Variants in SCFD1 observed in about 807,000 individuals in gnomAD.
SCFD1 encodes the protein sec1 family domain containing 1.
In SCFD1, 37 loss-of-function variants were observed where a neutral mutation model predicts 103.2. The observed-to-expected ratio is 0.36, with a 90% CI of 0.28 to 0.47. The LOEUF (loss-of-function observed/expected upper bound fraction) is 0.47, where lower values mean the gene tolerates loss of function less well. Among genes scored for constraint, SCFD1 ranks in the 20% least tolerant of loss-of-function variants. SCFD1 has a pLI of 1.00. For synonymous variants in SCFD1, 264 were observed against 245.0 expected (o/e 1.08, Z -0.73); for missense variants, 639 against 761.2 (o/e 0.84, Z 1.89).
At chr14:30,699,403 C>T (rs1019192711) in intron 15 of SCFD1, among the ~76,000 whole-genome samples, 23 of 152,172 alleles carry the variant, frequency 1.5e-4, no homozygotes, top group Non-Finnish European at 1.9e-4. Flanking sequence ...TGTTATTTGT[C>T]GAGAACAATG....
Position 30,635,123 on chromosome 14 carries a change from A to G in SCFD1, c.312+1086A>G, listed in dbSNP as rs1485035337. Reference sequence around the variant, plus strand: ...ATTTAAATTGTTAGTGACGTTTGCAAATTTTGTGTCCTGTGTAGCTTTATG... The same window carrying G: ...ATTTAAATTGTTAGTGACGTTTGCAGATTTTGTGTCCTGTGTAGCTTTATG... On this transcript the variant is annotated intron_variant, in intron 4 of 24. Coordinates refer to ENST00000458591, the MANE Select transcript of SCFD1 (RefSeq NM_016106.4). 8.1e-6 allele frequency: 3 copies of G among 371,428 alleles called. No homozygotes were observed. In the Admixed American group the frequency reaches 1.0e-4, roughly 13 times the overall value. 23.0% of individuals were successfully genotyped at this position (371,428 alleles called of 1,614,324 possible).
rs751892940 is a variant in SCFD1 at position 30,633,983 on chromosome 14, T to C, written c.258T>C (p.Val86=). The C allele has an allele frequency of 9.3e-6, 15 of 1,605,704 alleles. No homozygotes were observed. In the Admixed American group the frequency reaches 2.4e-4, roughly 25 times the overall value. ...CTGATCGAGATCCTATTCCAGATGT[T>C]CCTGCAGTATACTTTGTAATGCCAA... ...LHSDRDPIPD[V]PAVYFVMPTE... is the part of the protein sequence containing the mutation. The change falls in exon 4 of 25, where the codon GTT becomes GTC. Residue 86 remains valine, a synonymous_variant. Coordinates refer to ENST00000458591, the MANE Select transcript of SCFD1 (RefSeq NM_016106.4).
chr14:30,683,056 G>C, intron 14 of SCFD1: 1 of 1,369,018 alleles, frequency 7.3e-7, no homozygotes, highest in Non-Finnish European at 1.0e-6. Context: ...CAGGGCTCCT[G>C]ACTGGTGACC....
intron 23 of SCFD1, chr14:30,734,378 A>G (rs74041121): frequency 0.012 from 2,331 of 189,380 alleles, 53 homozygotes; most frequent in African/African-American, 0.05. Context: ...GACTAAAAGC[A>G]CAATCCATGC....
chr14:30,673,907 C>A lies in SCFD1; in HGVS notation c.1087-17C>A. On this transcript the variant is annotated splice_polypyrimidine_tract_variant and intron_variant, in intron 12 of 24. Transcript: ENST00000458591. ...TGGGATTTTTGAGTAGCTATTGAGA[C>A]CTTTTTTCTTTACAAGGGACTAGAA... is the stretch of plus-strand genomic sequence containing the variant. 1 of 1,595,906 alleles carries A rather than the reference C, an allele frequency of 6.3e-7. No homozygotes were observed. Among genetic ancestry groups the A allele is most frequent in the Non-Finnish European group, 8.6e-7 (1 of 1,163,688 alleles).
At chr14:30,677,888 G>A (rs975859852) in intron 14 of SCFD1, among the ~76,000 whole-genome samples, 13 of 122,352 alleles carry the variant, frequency 1.1e-4, no homozygotes, top group South Asian at 8.6e-4. Context: ...TCACCAGGCC[G>A]GAGTGCAGTG....
At position 30,649,575 on chromosome 14, in the gene SCFD1, G is replaced by T. The variant is rs1284640399; in HGVS notation, c.661G>T (p.Val221Leu). The part of the protein sequence containing the change: ...RCSRGTAAEM[V>L]AVKLDKKLRE... Reference sequence around the variant, plus strand: ...TTCAAGAGGAACAGCAGCAGAAATGGTAGCAGTGGTAAGTTCATGCGGATA... The same window carrying T: ...TTCAAGAGGAACAGCAGCAGAAATGTTAGCAGTGGTAAGTTCATGCGGATA... The change falls in exon 8 of 25, where the codon GTA becomes TTA. Residue 221 changes from valine to leucine, a missense_variant. Val to Leu is a conservative substitution (Grantham distance 32). Coordinates refer to ENST00000458591, the MANE Select transcript of SCFD1 (RefSeq NM_016106.4). 2 of 1,569,606 alleles carry T rather than the reference G, an allele frequency of 1.3e-6. No homozygotes were observed. Among genetic ancestry groups the T allele is most frequent in the Non-Finnish European group, 1.7e-6 (2 of 1,165,282 alleles).
At chr14:30,665,512 A>G (rs893977299) in intron 10 of SCFD1, among the ~76,000 whole-genome samples, 1 of 152,228 alleles carries the variant, frequency 6.6e-6, no homozygotes, top group African/African-American at 2.4e-5. Context: ...AGCAAATATC[A>G]TAATGACAGG....
At chr14:30,626,928 A>G (rs1005306613) in intron 1 of SCFD1, among the ~76,000 whole-genome samples, 5 of 152,212 alleles carry the variant, frequency 3.3e-5, no homozygotes. Flanking sequence ...TTGTGAGTGA[A>G]TGAATATGCT....
At chr14:30,676,366 A>C (rs920492746) in intron 14 of SCFD1, 5 of 152,260 alleles carry the variant, frequency 3.3e-5, no homozygotes, top group Admixed American at 2.6e-4. Context: ...GACAGTAAAC[A>C]GAGTAAGCAA....
At chr14:30,630,057 G>A (rs1482653179) in intron 2 of SCFD1, among the ~76,000 whole-genome samples, 2 of 151,988 alleles carry the variant, frequency 1.3e-5, no homozygotes, top group African/African-American at 4.8e-5. Flanking sequence ...ACGTGAATTG[G>A]CTTTAAGTTC....
intron 21 of SCFD1, 75 bp downstream of exon 21, chr14:30,719,452 T>A: frequency 9.9e-7 from 1 of 1,007,122 alleles, no homozygotes; most frequent in Non-Finnish European, 1.5e-6. Flanking sequence ...TATTATATAG[T>A]ACTGCTTATT....
chr14:30,673,844 C>A, intron 12 of SCFD1, 80 bp from the exon 13 acceptor site: 1 of 954,922 alleles, frequency 1.0e-6, no homozygotes, highest in Non-Finnish European at 1.7e-6. Flanking sequence ...AGGATATTTG[C>A]TCCAATCTTA....
chr14:30,710,059 C>G (rs1891758033), intron 19 of SCFD1, among the ~76,000 whole-genome samples: 1 of 152,092 alleles, frequency 6.6e-6, no homozygotes, highest in Non-Finnish European at 1.5e-5. Context: ...CTCAGAGTCA[C>G]ATGGTATATA....
intron 19 of SCFD1, among the ~76,000 whole-genome samples, chr14:30,708,817 T>C (rs1388049008): frequency 6.6e-6 from 1 of 152,208 alleles, no homozygotes; most frequent in East Asian, 1.9e-4. Flanking sequence ...TTCTTTCTTT[T>C]AGTCCTTCAT....
At chr14:30,668,808 C>T (rs561775722) in intron 10 of SCFD1, among the ~76,000 whole-genome samples, 2 of 152,308 alleles carry the variant, frequency 1.3e-5, no homozygotes, top group African/African-American at 2.4e-5. Flanking sequence ...AAATGCTCAT[C>T]GTCACTGGTC....
intron 6 of SCFD1, among the ~76,000 whole-genome samples, chr14:30,642,475 T>G (rs1264921884): frequency 6.6e-6 from 1 of 152,222 alleles, no homozygotes; most frequent in Non-Finnish European, 1.5e-5. Flanking sequence ...TTTAAAAACG[T>G]CCAGAGAATT....
intron 2 of SCFD1, among the ~76,000 whole-genome samples, chr14:30,628,725 A>G (rs75635822): frequency 0.024 from 3,717 of 152,318 alleles, 85 homozygotes; most frequent in Middle Eastern, 0.048. Context: ...GCAATCTACA[A>G]TCTTTTCCTT....
chr14:30,628,510 G>A (rs1035770913), intron 2 of SCFD1, among the ~76,000 whole-genome samples: 5 of 152,132 alleles, frequency 3.3e-5, no homozygotes, highest in Non-Finnish European at 5.9e-5. Context: ...GATCTCTTTG[G>A]TAGGATGTCA....
Sources: gnomAD v4.1 joint callset for allele counts (sites outside exome capture counted in the v4.1 genomes callset) on GRCh38, gnomAD v4.1.1 for gene constraint, MANE v1.5 for transcripts, NCBI Gene and HGNC (gene_info 2026-07-23, HGNC 2026-07-21) for gene names.